The following LRRC40 variants were observed in gnomAD, a reference collection of about 807,000 sequenced individuals.
The protein encoded by LRRC40 is leucine-rich repeat-containing protein 40.
In LRRC40, 76 loss-of-function variants were observed where a neutral mutation model predicts 72.8. The observed-to-expected ratio is 1.04, with a 90% CI of 0.87 to 1.26. LRRC40 has a LOEUF of 1.26. LRRC40 is among the 50% of genes most tolerant of loss of function. LRRC40 has a pLI of 0.00. For missense variants in LRRC40, 684 were observed against 698.9 expected (o/e 0.98, Z 0.24); for synonymous variants, 243 against 254.2 (o/e 0.96, Z 0.42).
intron 9 of LRRC40, among the ~76,000 whole-genome samples, chr1:70,171,981 T>C (rs1668009492): frequency 6.6e-6 from 1 of 152,190 alleles, no homozygotes; most frequent in Non-Finnish European, 1.5e-5. Flanking sequence ...ACTTATGCTA[T>C]GGCCTAAATG....
At chr1:70,198,869 G>T (rs1668672676) in intron 1 of LRRC40, among the ~76,000 whole-genome samples, 1 of 152,014 alleles carries the variant, frequency 6.6e-6, no homozygotes, top group African/African-American at 2.4e-5. Flanking sequence ...TAAAAAATAG[G>T]GCCAGGCACA....
chr1:70,179,072 G>T, intron 5 of LRRC40, 79 bp from the exon 6 acceptor site: 1 of 791,912 alleles, frequency 1.3e-6, no homozygotes, highest in Non-Finnish European at 1.9e-6. Context: ...TAAAGAATGT[G>T]TAAGAAATCG....
chr1:70,177,327 C>T (rs1668131876), intron 6 of LRRC40, among the ~76,000 whole-genome samples: 1 of 152,052 alleles, frequency 6.6e-6, no homozygotes, highest in Non-Finnish European at 1.5e-5. Flanking sequence ...AAAATCATAA[C>T]TACATAAAAT....
intron 5 of LRRC40, among the ~76,000 whole-genome samples, chr1:70,179,618 G>A (rs1042030237): frequency 3.8e-4 from 58 of 152,058 alleles, no homozygotes; most frequent in African/African-American, 1.4e-3. Context: ...AATAACACTG[G>A]ATATTAGAAA....
intron 1 of LRRC40, among the ~76,000 whole-genome samples, chr1:70,200,470 A>G (rs1318948154): frequency 6.6e-6 from 1 of 152,228 alleles, no homozygotes; most frequent in Admixed American, 6.5e-5. Context: ...CTAAAAAAAA[A>G]AGAAGGAACA....
chr1:70,192,172 A>G (rs1668515930), intron 1 of LRRC40, among the ~76,000 whole-genome samples: 1 of 152,120 alleles, frequency 6.6e-6, no homozygotes, highest in African/African-American at 2.4e-5. Flanking sequence ...TTCTCATTGT[A>G]GAGATCTTTC....
At chr1:70,193,903 A>C (rs1668554254) in intron 1 of LRRC40, among the ~76,000 whole-genome samples, 1 of 152,058 alleles carries the variant, frequency 6.6e-6, no homozygotes, top group Admixed American at 6.5e-5. Flanking sequence ...AACAATAAAA[A>C]CTCAGAAAAC....
At chr1:70,157,596 C>G (rs944109545) in intron 10 of LRRC40, among the ~76,000 whole-genome samples, 3 of 151,908 alleles carry the variant, frequency 2.0e-5, no homozygotes, top group Non-Finnish European at 4.4e-5. Context: ...CCCTAGATCC[C>G]CTTAGAATAG....
At position 70,184,854 on chromosome 1, in the gene LRRC40, C is replaced by A; in HGVS notation, c.468G>T (p.Leu156=). 1 of 1,610,710 alleles carries A rather than the reference C, an allele frequency of 6.2e-7. No homozygotes were observed. Among genetic ancestry groups the A allele is most frequent in the East Asian group, 2.2e-5 (1 of 44,748 alleles). ...AGGTTAATTCATTATGCTGGAGATA[C>A]AGGCACTTCAGGTTTCTTAGGTTTG... The part of the protein sequence containing the change: ...EITNLRNLKC[L]YLQHNELTCI... The change falls in exon 4 of 15, where the codon CTG becomes CTT. Residue 156 remains leucine (L), a synonymous_variant. Coordinates refer to ENST00000370952, the MANE Select transcript of LRRC40 (RefSeq NM_017768.5).
chr1:70,155,936 C>A lies in LRRC40; in HGVS notation c.1221-140G>T, dbSNP rs1420170147. Reference sequence around the variant, plus strand: ...TGATTATAAAATTTTGTAACAAATGCCACATAATCTACCAAGCCATAAAAG... The same window carrying A: ...TGATTATAAAATTTTGTAACAAATGACACATAATCTACCAAGCCATAAAAG... On this transcript the variant is annotated intron_variant, in intron 10 of 14. Coordinates refer to ENST00000370952, the MANE Select transcript of LRRC40 (RefSeq NM_017768.5). The A allele has an allele frequency of 2.8e-5, 12 of 430,336 alleles. No individual in the cohort carries two copies. The East Asian group carries it at 3.7e-4, about 13-fold the overall frequency. The allele number at this position is 430,336 out of a possible 1,614,324, so 26.7% of individuals were successfully genotyped here.
chr1:70,203,618 T>A (rs1668795865), intron 1 of LRRC40, among the ~76,000 whole-genome samples: 1 of 152,242 alleles, frequency 6.6e-6, no homozygotes, highest in Admixed American at 6.5e-5. Context: ...ATTTTTACTG[T>A]GTACTTTTTA....
intron 1 of LRRC40, among the ~76,000 whole-genome samples, chr1:70,199,512 A>G (rs1467005579): frequency 6.6e-6 from 1 of 152,198 alleles, no homozygotes; most frequent in Admixed American, 6.5e-5. Context: ...CCCGTGAGAA[A>G]GCAAGACCAT....
At position 70,165,647 on chromosome 1, in the gene LRRC40, TAAAA is replaced by T. The variant is rs558037385; in HGVS notation, c.1112-6213_1112-6210del. ...CCTCTAAAACTGAGAAAAGAGTAGT[TAAAA>T]AGCAGAGAAGAAAAGCTGAAGGAAA... On this transcript the variant is annotated intron_variant, in intron 9 of 14. Coordinates refer to ENST00000370952, the MANE Select transcript of LRRC40 (RefSeq NM_017768.5). 2.3e-3 allele frequency among the ~76,000 whole-genome samples: 354 copies of T among 151,864 alleles called. 1 individual carries two copies. The highest frequency in any genetic ancestry group is 7.7e-3 in the African/African-American group (320 of 41,396).
At chr1:70,183,972 C>G (rs1668305629) in intron 4 of LRRC40, among the ~76,000 whole-genome samples, 1 of 152,104 alleles carries the variant, frequency 6.6e-6, no homozygotes, top group Admixed American at 6.6e-5. Flanking sequence ...TACGACTAGA[C>G]TAGCAGTGGC....
intron 9 of LRRC40, among the ~76,000 whole-genome samples, chr1:70,165,846 T>TA (rs573075643): frequency 8.9e-4 from 136 of 152,210 alleles, no homozygotes; most frequent in Non-Finnish European, 1.4e-3. Context: ...ACGTAGTTTT[T>TA]AAAAAGCTCC....
chr1:70,160,747 G>A (rs914991128), intron 9 of LRRC40, among the ~76,000 whole-genome samples: 2 of 151,850 alleles, frequency 1.3e-5, no homozygotes, highest in African/African-American at 4.8e-5. Context: ...TTGTCTCTGG[G>A]GAGAAGACTG....
chr1:70,155,875 G>C, intron 10 of LRRC40, 79 bp from the exon 11 acceptor site: 1 of 554,432 alleles, frequency 1.8e-6, no homozygotes. Flanking sequence ...CATTTTTAAA[G>C]GTGTTTAAAG....
rs368036065 is a variant in LRRC40, at chr1:70,167,072, T to G, written c.1111+6393A>C. ...TGACATTTGGCCAATGGGCTTTCAA[T>G]TATTGCTTATTGTGGCAGACTGCTA... On this transcript the variant is annotated intron_variant, in intron 9 of 14. Transcript: ENST00000370952. Among the ~76,000 whole-genome samples the G allele has an allele frequency of 4.6e-5, 7 of 152,198 alleles. No homozygotes were observed. In the South Asian group the frequency reaches 1.2e-3, roughly 27 times the overall value.
chr1:70,146,292 T>C (rs916229411), intron 14 of LRRC40, among the ~76,000 whole-genome samples: 1 of 152,216 alleles, frequency 6.6e-6, no homozygotes, highest in Non-Finnish European at 1.5e-5. Flanking sequence ...CCCAAAGTAC[T>C]GGGATTACAG....
Sources: allele counts gnomAD v4.1 joint callset (sites outside exome capture counted in the v4.1 genomes callset), GRCh38; gene constraint gnomAD v4.1.1; transcripts MANE v1.5; gene names NCBI Gene and HGNC (gene_info 2026-07-23, HGNC 2026-07-21).